Variants in SPIDR observed in about 807,000 individuals in gnomAD.
The protein encoded by SPIDR is DNA repair-scaffolding protein.
SPIDR carries 93 observed loss-of-function variants against 104.6 expected under a neutral mutation model. The observed-to-expected ratio is 0.89, with a 90% CI of 0.75 to 1.06. The LOEUF is 1.06. SPIDR is among the 50% of genes least tolerant of loss of function. The pLI, the probability that SPIDR is intolerant of heterozygous loss-of-function variation, is 0.00. For synonymous variants in SPIDR, 431 were observed against 416.9 expected, an observed-to-expected ratio of 1.03 and a Z score of -0.41; for missense variants, 1,154 against 1,111.2, an observed-to-expected ratio of 1.04 and a Z score of -0.55.
rs1489289698 is a variant in SPIDR, at chr8:47,460,913, A to G, written c.1097+20371A>G. ...TAAAGACTGTATCTTTCCTTCATTT[A>G]TGAAGCTTAGTTTCACTTGATACAA... On this transcript the variant is annotated intron_variant, in intron 8 of 19. Transcript: ENST00000297423. 3.3e-5 allele frequency among the ~76,000 whole-genome samples: 5 copies of G among 152,156 alleles called. No homozygotes were observed. In the East Asian group the frequency reaches 9.6e-4, roughly 29 times the overall value.
At position 47,275,805 on chromosome 8, in the gene SPIDR, C is replaced by CTATT. The variant is rs1195518935; in HGVS notation, c.34-4051_34-4048dup. Among the ~76,000 whole-genome samples the CTATT allele has an allele frequency of 7.8e-3, 1,187 of 152,022 alleles. 13 individuals are homozygous for CTATT. The highest frequency in any genetic ancestry group is 0.027 in the African/African-American group (1,139 of 41,462). On this transcript the variant is annotated intron_variant, in intron 1 of 19. Transcript: ENST00000297423. ...ATGAATAGACCATGATGACTTTTTT[C>CTATT]TATTTATTTTTTTAAATTTTCTGTG...
intron 10 of SPIDR, among the ~76,000 whole-genome samples, chr8:47,652,887 C>G (rs1040140628): frequency 5.3e-5 from 8 of 152,164 alleles, no homozygotes; most frequent in Non-Finnish European, 1.2e-4. Context: ...AACCCTGATT[C>G]AGAAGCGAAT....
At chr8:47,403,490 A>G (rs2062221137) in intron 6 of SPIDR, among the ~76,000 whole-genome samples, 1 of 152,230 alleles carries the variant, frequency 6.6e-6, no homozygotes, top group South Asian at 2.1e-4. Flanking sequence ...TTAAGCTGAT[A>G]AGCAAATTCA....
At chr8:47,330,779 G>C (rs2048524468) in intron 5 of SPIDR, 2 of 456,132 alleles carry the variant, frequency 4.4e-6, no homozygotes, top group Non-Finnish European at 8.8e-6. Context: ...GTTGCTTCTA[G>C]GTTTTGGCAA....
At chr8:47,344,762 T>G (rs1468640604) in intron 5 of SPIDR, among the ~76,000 whole-genome samples, 1 of 152,256 alleles carries the variant, frequency 6.6e-6, no homozygotes, top group Non-Finnish European at 1.5e-5. Flanking sequence ...TGCATAAGTG[T>G]CTTCTTTTGA....
chr8:47,485,642 CCT>C (rs1454559080), intron 8 of SPIDR, among the ~76,000 whole-genome samples: 6 of 152,224 alleles, frequency 3.9e-5, no homozygotes, highest in African/African-American at 1.4e-4. Context: ...ACACTTCACC[CCT>C]CTGAGACAAA....
chr8:47,600,738 T>C (rs1324407811), intron 10 of SPIDR, among the ~76,000 whole-genome samples: 2 of 152,210 alleles, frequency 1.3e-5, no homozygotes, highest in African/African-American at 2.4e-5. Context: ...TGCTTGGCCT[T>C]TTTAATGACA....
rs1395293276 is a variant in SPIDR at position 47,607,297 on chromosome 8, T to A, written c.1544+8101T>A. Among the ~76,000 whole-genome samples, 5 of 152,292 alleles carry A rather than the reference T, an allele frequency of 3.3e-5. No homozygotes were observed. In the East Asian group the frequency reaches 5.8e-4, roughly 18 times the overall value. On this transcript the variant is annotated intron_variant, in intron 10 of 19. Coordinates refer to ENST00000297423, the MANE Select transcript of SPIDR (RefSeq NM_001080394.4). ...TTGCTCATTCAATAAATTTAAATCA[T>A]CCCTTAATTAATTAGTTCTGTGTCC...
intron 5 of SPIDR, among the ~76,000 whole-genome samples, chr8:47,390,008 A>G (rs1457191358): frequency 6.6e-6 from 1 of 152,224 alleles, no homozygotes. Context: ...TGAAGAGCCA[A>G]TTAACAAGTG....
At chr8:47,509,740 CT>C (rs1194395872) in intron 8 of SPIDR, among the ~76,000 whole-genome samples, 1 of 152,166 alleles carries the variant, frequency 6.6e-6, no homozygotes, top group Non-Finnish European at 1.5e-5. Flanking sequence ...AGGTAATTAA[CT>C]TTTCTGGGGC....
At chr8:47,398,432 T>C (rs1307338200) in intron 6 of SPIDR, among the ~76,000 whole-genome samples, 1 of 151,556 alleles carries the variant, frequency 6.6e-6, no homozygotes, top group Non-Finnish European at 1.5e-5. Flanking sequence ...AGAAATTTTA[T>C]GGAGAAAAAG....
At chr8:47,319,419 A>G (rs1407335569) in intron 5 of SPIDR, among the ~76,000 whole-genome samples, 1 of 152,224 alleles carries the variant, frequency 6.6e-6, no homozygotes, top group Admixed American at 6.5e-5. Flanking sequence ...TATGCACCCA[A>G]TACGGGAGCA....
chr8:47,453,906 A>C (rs13259913), intron 8 of SPIDR, among the ~76,000 whole-genome samples: 74,681 of 152,092 alleles, frequency 0.49, 22,412 homozygotes, highest in East Asian at 0.67. Context: ...TATCAGAGAA[A>C]TGCAAATCAA....
intron 5 of SPIDR, among the ~76,000 whole-genome samples, chr8:47,394,014 C>T (rs926549212): frequency 2.6e-5 from 4 of 152,100 alleles, no homozygotes; most frequent in African/African-American, 9.7e-5. Flanking sequence ...TAAAGCCATT[C>T]TCCTGCCTCA....
At chr8:47,314,950 G>A (rs1554588502) in intron 5 of SPIDR, among the ~76,000 whole-genome samples, 1 of 152,060 alleles carries the variant, frequency 6.6e-6, no homozygotes. Context: ...TATGAGGAAA[G>A]GTGTAGCATG....
At chr8:47,593,132 C>T (rs139327064) in intron 8 of SPIDR, among the ~76,000 whole-genome samples, 1,801 of 152,154 alleles carry the variant, frequency 0.012, 25 homozygotes, top group Admixed American at 0.027. Context: ...GGTGATCGCC[C>T]GCCTCGGCCT....
At chr8:47,435,191 G>A (rs1233243507) in intron 7 of SPIDR, among the ~76,000 whole-genome samples, 4 of 151,940 alleles carry the variant, frequency 2.6e-5, no homozygotes, top group Admixed American at 6.6e-5. Context: ...AAAGCTGGGG[G>A]GTCTCACTGT....
intron 5 of SPIDR, among the ~76,000 whole-genome samples, chr8:47,337,164 A>G (rs942268509): frequency 2.0e-5 from 3 of 152,128 alleles, no homozygotes; most frequent in South Asian, 2.1e-4. Context: ...GTCTTGCTCT[A>G]TCACCCAGGC....
chr8:47,408,998 C>T (rs1554669283), intron 7 of SPIDR, among the ~76,000 whole-genome samples: 2 of 152,008 alleles, frequency 1.3e-5, no homozygotes, highest in African/African-American at 4.8e-5. Context: ...CCATCCTGGC[C>T]AACATGGTGA....
Sources: gnomAD v4.1 joint callset for allele counts (sites outside exome capture counted in the v4.1 genomes callset) on GRCh38, gnomAD v4.1.1 for gene constraint, MANE v1.5 for transcripts, NCBI Gene and HGNC (gene_info 2026-07-23, HGNC 2026-07-21) for gene names.